SLC35G2: variants seen among roughly 807,000 people sequenced by gnomAD.
The protein encoded by SLC35G2 is transmembrane protein 22.
A neutral mutation model predicts 27.2 loss-of-function variants in SLC35G2; 20 were observed. The ratio of observed to expected loss-of-function variants is 0.74; its 90% CI spans 0.52 to 1.07. SLC35G2 has a LOEUF of 1.07. Ranked by LOEUF, SLC35G2 falls within the 50% of genes least tolerant of loss-of-function variation. SLC35G2 has a pLI of 0.00. For synonymous variants in SLC35G2, 148 were observed against 165.3 expected, an observed-to-expected ratio of 0.90 and a Z score of 0.80; for missense variants, 416 against 493.3, an observed-to-expected ratio of 0.84 and a Z score of 1.48.
chr3:136,853,712 C>G (rs1937797754), intron 1 of SLC35G2, among the ~76,000 whole-genome samples: 1 of 151,954 alleles, frequency 6.6e-6, no homozygotes, highest in South Asian at 2.1e-4. Flanking sequence ...TATTCTTATT[C>G]CCCCCCTTTT....
intron 1 of SLC35G2, 104 bp downstream of exon 1, chr3:136,819,732 T>C (rs1936397975): frequency 6.6e-6 from 1 of 152,222 alleles, no homozygotes; most frequent in South Asian, 2.1e-4. Flanking sequence ...TCCATTACTC[T>C]CTTGTCTCAT....
chr3:136,835,836 G>T (rs1033667715), intron 1 of SLC35G2, among the ~76,000 whole-genome samples: 10 of 152,056 alleles, frequency 6.6e-5, no homozygotes, highest in African/African-American at 1.9e-4. Context: ...TGCTGAAAAT[G>T]CTCCAGTTCC....
intron 1 of SLC35G2, among the ~76,000 whole-genome samples, chr3:136,827,370 C>T (rs11714806): frequency 0.036 from 5,460 of 151,948 alleles, 115 homozygotes; most frequent in Non-Finnish European, 0.055. Context: ...TGCACCACCA[C>T]GCCTGGCTAA....
intron 1 of SLC35G2, among the ~76,000 whole-genome samples, chr3:136,828,354 A>G (rs1004499482): frequency 6.6e-6 from 1 of 152,184 alleles, no homozygotes; most frequent in Admixed American, 6.5e-5. Flanking sequence ...GTCTCCAGCT[A>G]TTATTGTATT....
intron 1 of SLC35G2, among the ~76,000 whole-genome samples, chr3:136,828,062 G>A (rs1936628505): frequency 6.6e-6 from 1 of 152,062 alleles, no homozygotes; most frequent in African/African-American, 2.4e-5. Flanking sequence ...CCTGACCTCA[G>A]GTGATCTGCC....
In SLC35G2 at chr3:136,819,157, G is replaced by A. The variant is rs953652317; in HGVS notation, c.-490G>A. On this transcript the variant is annotated 5_prime_UTR_variant, in exon 1 of 2. Coordinates refer to ENST00000446465, the MANE Select transcript of SLC35G2 (RefSeq NM_025246.3). Reference sequence around the variant, plus strand: ...GGCAGCGCCCGCCTCGATTTTCCCAGGCGAGGGCACGCCCGCGTCAGTCGC... The same window carrying A: ...GGCAGCGCCCGCCTCGATTTTCCCAAGCGAGGGCACGCCCGCGTCAGTCGC... The A allele has an allele frequency of 2.6e-5, 4 of 152,204 alleles. No homozygotes were observed. Among genetic ancestry groups the A allele is most frequent in the African/African-American group, 7.2e-5 (3 of 41,464 alleles). 9.4% of individuals were successfully genotyped at this position (152,204 alleles called of 1,614,324 possible).
intron 1 of SLC35G2, among the ~76,000 whole-genome samples, chr3:136,834,515 AGGAG>A (rs1480293939): frequency 2.6e-5 from 4 of 152,088 alleles, no homozygotes; most frequent in African/African-American, 9.7e-5. Flanking sequence ...TTTTTAGTAG[AGGAG>A]GAATTTCACC....
chr3:136,851,894 G>C (rs142499446), intron 1 of SLC35G2, among the ~76,000 whole-genome samples: 1 of 152,286 alleles, frequency 6.6e-6, no homozygotes, highest in African/African-American at 2.4e-5. Context: ...TTCTAGATGG[G>C]AATTCACAAT....
At chr3:136,821,058 G>A (rs998223811) in intron 1 of SLC35G2, among the ~76,000 whole-genome samples, 5 of 152,120 alleles carry the variant, frequency 3.3e-5, no homozygotes, top group African/African-American at 1.2e-4. Flanking sequence ...TATGTGGTTT[G>A]TGTGAAGTTC....
intron 1 of SLC35G2, among the ~76,000 whole-genome samples, chr3:136,845,464 G>C (rs1370500089): frequency 6.6e-6 from 1 of 152,180 alleles, no homozygotes; most frequent in African/African-American, 2.4e-5. Context: ...ACTAGCACTT[G>C]AAACTCAGCC....
At chr3:136,819,839 G>A (rs1936400945) in intron 1 of SLC35G2, 1 of 152,262 alleles carries the variant, frequency 6.6e-6, no homozygotes, top group African/African-American at 2.4e-5. Flanking sequence ...CGAGGGCAAG[G>A]GTTAGTGGAG....
intron 1 of SLC35G2, chr3:136,820,488 A>C (rs1936427869): frequency 6.6e-6 from 1 of 152,216 alleles, no homozygotes; most frequent in East Asian, 1.9e-4. Context: ...ACATAACCCG[A>C]AAGCAAATGT....
intron 1 of SLC35G2, among the ~76,000 whole-genome samples, chr3:136,826,105 T>C (rs1936579454): frequency 6.6e-6 from 1 of 151,950 alleles, no homozygotes; most frequent in Non-Finnish European, 1.5e-5. Context: ...GGCGCGATCT[T>C]GGCTCACTGC....
chr3:136,838,268 TATATATATATATATAA>T (rs1183718755), intron 1 of SLC35G2: 7 of 11,776 alleles, frequency 5.9e-4, no homozygotes, highest in Admixed American at 1.5e-3. Context: ...TATATATATA[TATATATATATATATAA>T]ATGCACACAC....
At chr3:136,827,649 T>A (rs763266215) in intron 1 of SLC35G2, among the ~76,000 whole-genome samples, 3 of 152,188 alleles carry the variant, frequency 2.0e-5, no homozygotes, top group Non-Finnish European at 4.4e-5. Flanking sequence ...GCTTTTGGTG[T>A]GTTGTGTTTC....
rs1405127990 is a variant in SLC35G2, at chr3:136,819,255, G to A, written c.-392G>A. 1 of 152,296 alleles carries A rather than the reference G, an allele frequency of 6.6e-6. No individual in the cohort carries two copies. The highest frequency in any genetic ancestry group is 1.9e-4 in the East Asian group (1 of 5,200). The allele number at this position is 152,296 out of a possible 1,614,324, so 9.4% of individuals were successfully genotyped here. A position where few individuals can be genotyped will look rare whatever the true frequency, so the allele number is the denominator to read the frequency against. ...GAGCCGGTCGGCGGCGGCGGACTGG[G>A]ACCTTGATCCTGCCTGCCCGGCCGC... is the stretch of plus-strand genomic sequence containing the variant. On this transcript the variant is annotated 5_prime_UTR_variant, in exon 1 of 2. Transcript: ENST00000446465.
At chr3:136,824,114 G>A (rs1376077271) in intron 1 of SLC35G2, among the ~76,000 whole-genome samples, 1 of 152,054 alleles carries the variant, frequency 6.6e-6, no homozygotes, top group African/African-American at 2.4e-5. Context: ...TGCTGTTTTG[G>A]TTACTATAGC....
chr3:136,836,075 G>A (rs1268156102), intron 1 of SLC35G2, among the ~76,000 whole-genome samples: 1 of 151,960 alleles, frequency 6.6e-6, no homozygotes, highest in East Asian at 1.9e-4. Flanking sequence ...CATTGCTACT[G>A]GAGTGTTACT....
At position 136,855,300 on chromosome 3, in the gene SLC35G2, G is replaced by C. The variant is rs1256531369; in HGVS notation, c.840G>C (p.Glu280Asp). 1.9e-6 allele frequency: 3 copies of C among 1,614,202 alleles called. No individual in the cohort carries two copies. Among genetic ancestry groups the C allele is most frequent in the South Asian group, 2.2e-5 (2 of 91,090 alleles). Reference protein sequence around the residue: ...LSMIVYRSIKEKISMWTALFT... With the variant: ...LSMIVYRSIKDKISMWTALFT... ...TGATAGTATACAGATCCATCAAGGA[G>C]AAGATCAGCATGTGGACTGCACTGT... Residue 280 changes from glutamate to aspartate, a missense_variant, in exon 2 of 2, where the codon GAG becomes GAC. By Grantham distance (45) the Glu-to-Asp change is conservative. Transcript: ENST00000446465.
Sources: allele counts gnomAD v4.1 joint callset (sites outside exome capture counted in the v4.1 genomes callset), GRCh38; gene constraint gnomAD v4.1.1; transcripts MANE v1.5; gene names NCBI Gene and HGNC (gene_info 2026-07-23, HGNC 2026-07-21).